RAC2: variants seen among roughly 807,000 people sequenced by gnomAD.
RAC2 encodes the protein ras-related C3 botulinum toxin substrate 2.
A neutral mutation model predicts 24.0 loss-of-function variants in RAC2; 1 was observed. The observed-to-expected ratio is 0.04, with a 90% CI of 0.01 to 0.20. The LOEUF is 0.20. Ranked by LOEUF, RAC2 falls within the 10% of genes least tolerant of loss-of-function variation. The pLI is 1.00. For missense variants in RAC2, 130 were observed against 259.1 expected (o/e 0.50, Z 3.42); for synonymous variants, 114 against 106.8 (o/e 1.07, Z -0.41).
In RAC2 at chr22:37,225,708, G is replaced by C. The variant is rs1250337873; in HGVS notation, c.*334C>G. ...CAGTTTCCAGAGGGGAGTCAGGCGT[G>C]GGGTGGGACTGGAGTGAACGGGTAG... On this transcript the variant is annotated 3_prime_UTR_variant, in exon 7 of 7. Transcript: ENST00000249071. 1.3e-5 allele frequency: 2 copies of C among 152,334 alleles called. No individual in the cohort carries two copies. Among genetic ancestry groups the C allele is most frequent in the East Asian group, 3.8e-4 (2 of 5,202 alleles). 9.4% of individuals were successfully genotyped at this position (152,334 alleles called of 1,614,324 possible).
chr22:37,243,635 C>G (rs561689653), intron 1 of RAC2, among the ~76,000 whole-genome samples: 1 of 152,310 alleles, frequency 6.6e-6, no homozygotes, highest in East Asian at 1.9e-4. Context: ...ATCCCCAGGG[C>G]ATAGGCCTCC....
chr22:37,230,672 G>C (rs1308693170), intron 5 of RAC2, among the ~76,000 whole-genome samples: 1 of 152,172 alleles, frequency 6.6e-6, no homozygotes, highest in African/African-American at 2.4e-5. Context: ...TGGAGGCAAA[G>C]AGGGGTCGAG....
At chr22:37,229,448 AG>A (rs1470931793) in intron 5 of RAC2, among the ~76,000 whole-genome samples, 1 of 152,182 alleles carries the variant, frequency 6.6e-6, no homozygotes, top group East Asian at 1.9e-4. Flanking sequence ...TGTAAAGTGA[AG>A]GTGACAAGAG....
At chr22:37,235,817 T>C (rs1481774478) in intron 2 of RAC2, among the ~76,000 whole-genome samples, 7 of 152,196 alleles carry the variant, frequency 4.6e-5, no homozygotes, top group African/African-American at 1.7e-4. Context: ...TTCACCTGTC[T>C]CCTCTGGGTC....
At chr22:37,234,347 C>T (rs999004588) in intron 2 of RAC2, among the ~76,000 whole-genome samples, 1 of 152,218 alleles carries the variant, frequency 6.6e-6, no homozygotes, top group Admixed American at 6.5e-5. Context: ...GCTACCCACG[C>T]TGTGGAAGGG....
intron 1 of RAC2, among the ~76,000 whole-genome samples, chr22:37,242,540 C>T (rs1927433799): frequency 6.6e-6 from 1 of 152,186 alleles, no homozygotes. Flanking sequence ...CTGGGCCTTC[C>T]CCTGCCCTGC....
In RAC2 at chr22:37,231,374, C is replaced by A. The variant is rs371002273; in HGVS notation, c.305G>T (p.Arg102Leu). The change falls in exon 5 of 7, where the codon CGG (arginine) becomes CTG (leucine). Residue 102 changes from arginine to leucine, a missense_variant. Coordinates refer to ENST00000249071, the MANE Select transcript of RAC2 (RefSeq NM_002872.5). The surrounding 1 kb of genome is among the most constrained non-coding windows in gnomAD (Gnocchi z 5.5). ...GATGGGTGTGCTGGGGCAGTGGTGC[C>A]GCACTTCTGGGAACCACTGGGCAGG... Reference protein sequence around the residue: ...NVRAKWFPEVRHHCPSTPIIL... With the variant: ...NVRAKWFPEVLHHCPSTPIIL... 1 of 1,614,056 alleles carries A rather than the reference C, an allele frequency of 6.2e-7. No individual in the cohort carries two copies. The highest frequency in any genetic ancestry group is 8.5e-7 in the Non-Finnish European group (1 of 1,180,018).
chr22:37,228,480 G>A (rs569099659), intron 5 of RAC2, among the ~76,000 whole-genome samples: 1 of 152,356 alleles, frequency 6.6e-6, no homozygotes, highest in East Asian at 1.9e-4. Context: ...ATGCTATGCA[G>A]GCCTGGGGGC....
Position 37,231,861 on chromosome 22 carries a change from C to T in RAC2, c.288+71G>A, listed in dbSNP as rs555726122. On this transcript the variant is annotated intron_variant, in intron 4 of 6. Transcript: ENST00000249071. The surrounding 1 kb of genome is among the most constrained non-coding windows in gnomAD (Gnocchi z 5.5). ...GCTGCCCCAGGGACCAGCCTAGAGTCACCAGTTCCTCCCTCTGTCCCTCAG... is the reference window on the plus strand; with the variant it reads ...GCTGCCCCAGGGACCAGCCTAGAGTTACCAGTTCCTCCCTCTGTCCCTCAG... 6.2e-5 allele frequency: 93 copies of T among 1,509,634 alleles called. No individual in the cohort carries two copies. The South Asian group carries it at 1.1e-3, about 18-fold the overall frequency. The allele number at this position is 1,509,634 out of a possible 1,614,324, so 93.5% of individuals were successfully genotyped here.
At position 37,241,619 on chromosome 22, in the gene RAC2, G is replaced by A; in HGVS notation, c.75C>T (p.Thr25=). The change falls in exon 2 of 7, where the codon ACC becomes ACT. Residue 25 remains threonine (T), a synonymous_variant. Coordinates refer to ENST00000249071, the MANE Select transcript of RAC2 (RefSeq NM_002872.5). The part of the protein sequence containing the change: ...GKTCLLISYT[T]NAFPGEYIPT... ...GGATGTACTCTCCGGGAAAGGCGTTGGTGGTGTAGCTGATGAGAAGGCAGG... is the reference window on the plus strand; with the variant it reads ...GGATGTACTCTCCGGGAAAGGCGTTAGTGGTGTAGCTGATGAGAAGGCAGG... 6.2e-7 allele frequency: 1 copy of A among 1,614,124 alleles called. No individual in the cohort carries two copies. Among genetic ancestry groups the A allele is most frequent in the Non-Finnish European group, 8.5e-7 (1 of 1,179,936 alleles).
intron 5 of RAC2, among the ~76,000 whole-genome samples, chr22:37,228,944 G>C (rs776599810): frequency 6.6e-6 from 1 of 152,234 alleles, no homozygotes; most frequent in Non-Finnish European, 1.5e-5. Context: ...TGGCTGGCAA[G>C]AGCAGGGTGC....
intron 1 of RAC2, among the ~76,000 whole-genome samples, chr22:37,242,256 A>T (rs2285109): frequency 0.55 from 83,464 of 152,002 alleles, 23,003 homozygotes; most frequent in South Asian, 0.58. Flanking sequence ...CCCGTGGAGC[A>T]GAGCAGTTAC....
rs1444340015 is a variant in RAC2 at position 37,231,954 on chromosome 22, G to A, written c.266C>T (p.Ser89Phe). Residue 89 changes from serine to phenylalanine, a missense_variant, in exon 4 of 7, where the codon TCT (serine) becomes TTT (phenylalanine). Ser to Phe is a radical substitution (Grantham distance 155). This residue lies in a region of RAC2 where 119 missense variants were observed against 192.1 expected (regional missense o/e 0.62). Coordinates refer to ENST00000249071, the MANE Select transcript of RAC2 (RefSeq NM_002872.5). The surrounding 1 kb of genome is among the most constrained non-coding windows in gnomAD (Gnocchi z 5.5). ...CACCTTGGCGCGGACGTTCTCATAA[G>A]AGGCTGGGCTGACGAGGGAGAAGCA... ...LICFSLVSPA[S>F]YENVRAKWFP... 1 of 1,552,308 alleles carries A rather than the reference G, an allele frequency of 6.4e-7. No individual in the cohort carries two copies. The highest frequency in any genetic ancestry group is 2.0e-5 in the Admixed American group (1 of 51,084).
At chr22:37,234,055 C>A (rs1231443390) in intron 2 of RAC2, among the ~76,000 whole-genome samples, 1 of 152,114 alleles carries the variant, frequency 6.6e-6, no homozygotes, top group African/African-American at 2.4e-5. Context: ...CCCGCCAGAC[C>A]CAGAGAGCCC....
chr22:37,232,783 C>T lies in RAC2; in HGVS notation c.225+18G>A. The T allele has an allele frequency of 3.1e-6, 5 of 1,593,396 alleles. No individual in the cohort carries two copies. The highest frequency in any genetic ancestry group is 4.3e-6 in the Non-Finnish European group (5 of 1,161,862). ...GACAGCAAAGGTCAGGACTGCAAGG[C>T]AGGTGGGAGCAGCACACCGTCTGTG... On this transcript the variant is annotated intron_variant, in intron 3 of 6. Coordinates refer to ENST00000249071, the MANE Select transcript of RAC2 (RefSeq NM_002872.5).
rs904434391 is a variant in RAC2 at position 37,225,388 on chromosome 22, T to C, written c.*654A>G. On this transcript the variant is annotated 3_prime_UTR_variant, in exon 7 of 7. Coordinates refer to ENST00000249071, the MANE Select transcript of RAC2 (RefSeq NM_002872.5). The stretch of plus-strand genomic sequence containing the variant: ...GAAGACTCTCACAGGTAAGTGCAGC[T>C]CAGGATCCTGTGAGTGCAGCAGAAA... The C allele has an allele frequency of 1.5e-4, 23 of 152,214 alleles. No individual in the cohort carries two copies. Among genetic ancestry groups the C allele is most frequent in the African/African-American group, 5.3e-4 (22 of 41,448 alleles). 9.4% of individuals were successfully genotyped at this position (152,214 alleles called of 1,614,324 possible).
rs917454378 is a variant in RAC2, at chr22:37,231,426, G to T, written c.289-36C>A. ...GGGTGGGGGGACACAAGGTTGTATG[G>T]GTCAAGAGGGGGCGCGAGGCTGTGC... On this transcript the variant is annotated intron_variant, in intron 4 of 6. Coordinates refer to ENST00000249071, the MANE Select transcript of RAC2 (RefSeq NM_002872.5). The surrounding 1 kb of genome is among the most constrained non-coding windows in gnomAD (Gnocchi z 5.5). The T allele has an allele frequency of 1.3e-5, 21 of 1,604,518 alleles. No individual in the cohort carries two copies. Among genetic ancestry groups the T allele is most frequent in the Non-Finnish European group, 1.8e-5 (21 of 1,172,718 alleles).
chr22:37,227,912 C>T (rs2145821125), intron 5 of RAC2, among the ~76,000 whole-genome samples: 1 of 152,214 alleles, frequency 6.6e-6, no homozygotes, highest in East Asian at 1.9e-4. Context: ...GCCCTTAGTC[C>T]GTGGAAGGAG....
chr22:37,239,848 C>T (rs894102207), intron 2 of RAC2, among the ~76,000 whole-genome samples: 2 of 152,194 alleles, frequency 1.3e-5, no homozygotes, highest in Non-Finnish European at 2.9e-5. Flanking sequence ...ATTCTCCCTC[C>T]CTGCTCAGGT....
Sources: allele counts gnomAD v4.1 joint callset (sites outside exome capture counted in the v4.1 genomes callset), GRCh38; gene constraint gnomAD v4.1.1; regional missense constraint gnomAD v4.1.1; non-coding constraint Gnocchi (gnomAD v3.1); transcripts MANE v1.5; gene names NCBI Gene and HGNC (gene_info 2026-07-23, HGNC 2026-07-21).